The following GPHN variants were observed in gnomAD, a reference collection of about 807,000 sequenced individuals.
GPHN encodes gephyrin.
Under a neutral mutation model 95.5 loss-of-function variants are expected in GPHN, and 17 were observed. The ratio of observed to expected loss-of-function variants is 0.18; its 90% CI spans 0.12 to 0.27. GPHN has a LOEUF of 0.27. Ranked by LOEUF, GPHN falls within the 10% of genes least tolerant of loss-of-function variation. GPHN has a pLI of 1.00. For synonymous variants in GPHN, 320 were observed against 322.5 expected (o/e 0.99, Z 0.08); for missense variants, 660 against 978.1 (o/e 0.67, Z 4.34).
chr14:66,557,453 A>G (rs996326954), intron 1 of GPHN, among the ~76,000 whole-genome samples: 1 of 152,190 alleles, frequency 6.6e-6, no homozygotes, highest in Non-Finnish European at 1.5e-5. Context: ...TACAAGTAGA[A>G]TGCTTATTTG....
the GPHN span, among the ~76,000 whole-genome samples, chr14:67,460,628 C>T: frequency 1.3e-5 from 2 of 152,156 alleles, no homozygotes; most frequent in Admixed American, 6.5e-5. Context: ...TGCTTGAACA[C>T]GGGAGGCAGA....
the GPHN span, among the ~76,000 whole-genome samples, chr14:67,369,908 A>G: frequency 6.6e-6 from 1 of 152,196 alleles, no homozygotes; most frequent in Admixed American, 6.5e-5. Flanking sequence ...ACACACACAC[A>G]CAAATATAGG....
the GPHN span, among the ~76,000 whole-genome samples, chr14:67,291,126 G>A: frequency 1.3e-5 from 2 of 151,956 alleles, no homozygotes; most frequent in Non-Finnish European, 2.9e-5. Flanking sequence ...TAATTAAGAG[G>A]TAAATGGAAA....
intron 19 of GPHN, among the ~76,000 whole-genome samples, chr14:67,162,343 G>C (rs1043721368): frequency 6.6e-6 from 1 of 152,056 alleles, no homozygotes; most frequent in Non-Finnish European, 1.5e-5. Flanking sequence ...AGTTTAAATG[G>C]GCTTCTTTTA....
At chr14:66,914,171 G>C (rs1434462528) in intron 5 of GPHN, among the ~76,000 whole-genome samples, 1 of 152,058 alleles carries the variant, frequency 6.6e-6, no homozygotes, top group Admixed American at 6.6e-5. Context: ...GGATGTAACT[G>C]TTGGTTATAT....
chr14:66,947,838 C>A (rs562858367), intron 8 of GPHN, among the ~76,000 whole-genome samples: 7 of 152,118 alleles, frequency 4.6e-5, no homozygotes, highest in African/African-American at 1.4e-4. Context: ...ACCTGTTGTC[C>A]TAGCTATTTG....
At chr14:67,529,913 G>A in the GPHN span, among the ~76,000 whole-genome samples, 1 of 152,256 alleles carries the variant, frequency 6.6e-6, no homozygotes, top group East Asian at 1.9e-4. Flanking sequence ...CAGTAACTGA[G>A]AACCAGGTCC....
chr14:66,636,990 T>A (rs1452066228), intron 1 of GPHN, among the ~76,000 whole-genome samples: 2 of 152,178 alleles, frequency 1.3e-5, no homozygotes, highest in African/African-American at 4.8e-5. Flanking sequence ...AGGAATCTCC[T>A]CAGTTAACAC....
the GPHN span, among the ~76,000 whole-genome samples, chr14:67,256,866 A>G: frequency 6.6e-6 from 1 of 151,902 alleles, no homozygotes. Context: ...TGTATACATT[A>G]AAAAAATATT....
rs568484298 is a variant in GPHN, at chr14:66,627,415, A to C, written c.65-53692A>C. Among the ~76,000 whole-genome samples the C allele has an allele frequency of 8.6e-5, 13 of 151,904 alleles. No homozygotes were observed. The East Asian group carries it at 2.5e-3, about 29-fold the overall frequency. On this transcript the variant is annotated intron_variant, in intron 1 of 22. Coordinates refer to ENST00000478722, the MANE Select transcript of GPHN (RefSeq NM_020806.5). ...CTCAGATACATTCGTTGATGGATCT[A>C]GTTCTTTATTTCAACTGTTGAAGAG...
the GPHN span, chr14:67,312,638 G>C: frequency 2.5e-6 from 4 of 1,613,462 alleles, no homozygotes; most frequent in South Asian, 4.4e-5. Flanking sequence ...GATCAGTCAA[G>C]AAGATCCAAA....
chr14:67,029,504 A>AT (rs1182218625), intron 10 of GPHN, among the ~76,000 whole-genome samples: 113 of 151,906 alleles, frequency 7.4e-4, no homozygotes, highest in African/African-American at 2.7e-3. Flanking sequence ...CACCCAGCTA[A>AT]TTTCGTATTT....
chr14:66,509,604 A>T (rs1320891973), intron 1 of GPHN, among the ~76,000 whole-genome samples: 3 of 152,114 alleles, frequency 2.0e-5, no homozygotes, highest in Non-Finnish European at 4.4e-5. Flanking sequence ...GGCAAGGTTT[A>T]TGTGTAATTG....
the GPHN span, among the ~76,000 whole-genome samples, chr14:67,657,598 G>GCA: frequency 7.4e-3 from 837 of 112,378 alleles, 3 homozygotes; most frequent in African/African-American, 0.014. Context: ...GCGCGCGCGT[G>GCA]CACACACACA....
the GPHN span, among the ~76,000 whole-genome samples, chr14:67,634,212 C>T: frequency 7.6e-4 from 116 of 152,298 alleles, no homozygotes; most frequent in African/African-American, 2.7e-3. Context: ...TGATCTGCTA[C>T]TTAGAAGCCA....
At chr14:67,514,718 G>T in the GPHN span, among the ~76,000 whole-genome samples, 2 of 152,012 alleles carry the variant, frequency 1.3e-5, no homozygotes, top group Non-Finnish European at 2.9e-5. Context: ...TCTCCGCCCG[G>T]AAGAAGAGGA....
At chr14:67,270,673 A>G in the GPHN span, 1 of 151,676 alleles carries the variant, frequency 6.6e-6, no homozygotes, top group African/African-American at 2.4e-5. Flanking sequence ...TATAGACTAC[A>G]TGTATGGGCT....
intron 10 of GPHN, among the ~76,000 whole-genome samples, chr14:67,030,401 A>C (rs2074138387): frequency 6.6e-6 from 1 of 152,182 alleles, no homozygotes; most frequent in Non-Finnish European, 1.5e-5. Context: ...TAATAACATT[A>C]ACCCTTAAAT....
intron 20 of GPHN, among the ~76,000 whole-genome samples, chr14:67,165,480 A>G (rs1035343611): frequency 4.5e-4 from 54 of 120,648 alleles, no homozygotes; most frequent in African/African-American, 2.3e-3. Context: ...CTATCAAAGC[A>G]CATTCCAAAT....
Sources: gnomAD v4.1 joint callset for allele counts (sites outside exome capture counted in the v4.1 genomes callset) on GRCh38, gnomAD v4.1.1 for gene constraint, MANE v1.5 for transcripts, NCBI Gene and HGNC (gene_info 2026-07-23, HGNC 2026-07-21) for gene names.